The following CCNH variants were observed in gnomAD, a reference collection of about 807,000 sequenced individuals.
The protein encoded by CCNH is cyclin-H.
CCNH carries 31 observed loss-of-function variants against 41.9 expected under a neutral mutation model. The ratio of observed to expected loss-of-function variants is 0.74; its 90% CI spans 0.56 to 1.00. The LOEUF (loss-of-function observed/expected upper bound fraction) is 1.00. Ranked by LOEUF, CCNH falls within the 50% of genes least tolerant of loss-of-function variation. The pLI is 0.00. For synonymous variants in CCNH, 138 were observed against 136.1 expected, an observed-to-expected ratio of 1.01 and a Z score of -0.10; for missense variants, 362 against 388.4, an observed-to-expected ratio of 0.93 and a Z score of 0.57.
chr5:87,372,936 T>C (rs527347178), downstream of CCNH, among the ~76,000 whole-genome samples: 3 of 152,296 alleles, frequency 2.0e-5, no homozygotes, highest in South Asian at 4.1e-4. Context: ...GGTGACTAAA[T>C]AGTCCCTGTA....
Position 87,394,851 on chromosome 5 carries a change from TTAAA to T in CCNH, c.933+189_933+192del, listed in dbSNP as rs1278295022. The stretch of plus-strand genomic sequence containing the variant: ...CTATGAACACAGGAAGGATTCTTCA[TTAAA>T]TAAAGACAGAAGAGAGAAAAATCCC... On this transcript the variant is annotated intron_variant, in intron 8 of 8. Coordinates refer to ENST00000256897, the MANE Select transcript of CCNH (RefSeq NM_001239.4). 7 of 1,375,646 alleles carry T rather than the reference TTAAA, an allele frequency of 5.1e-6. No homozygotes were observed. The South Asian group carries it at 5.7e-5, about 11-fold the overall frequency. The allele number at this position is 1,375,646 out of a possible 1,614,324, so 85.2% of individuals were successfully genotyped here.
Position 87,332,584 on chromosome 5 carries a change from G to A in CCNH, c.*91-13687C>T. 6.2e-7 allele frequency: 1 copy of A among 1,610,256 alleles called. No homozygotes were observed. The highest frequency in any genetic ancestry group is 8.5e-7 in the Non-Finnish European group (1 of 1,176,946). ...CTGTCAGACCTAATAGGTTATTACA[G>A]TCATGTTTCTTGTTTGCTTAAAGGA... On this transcript the variant is annotated intron_variant and NMD_transcript_variant, in intron 9 of 9. Transcript: ENST00000645953.
intron 9 of CCNH, among the ~76,000 whole-genome samples, chr5:87,332,222 G>A (rs1757658241): frequency 6.6e-6 from 1 of 151,620 alleles, no homozygotes; most frequent in African/African-American, 2.4e-5. Flanking sequence ...TGGAAAGTGA[G>A]AAGAGGTATC....
chr5:87,362,083 G>C (rs1195156183), intron 9 of CCNH, among the ~76,000 whole-genome samples: 1 of 152,086 alleles, frequency 6.6e-6, no homozygotes, highest in Non-Finnish European at 1.5e-5. Context: ...TGTATGTTTT[G>C]TTCATTCTCA....
At chr5:87,394,741 T>C (rs1196053662) in intron 8 of CCNH, 4 of 1,328,058 alleles carry the variant, frequency 3.0e-6, no homozygotes, top group African/African-American at 3.0e-5. Context: ...ATAGAAAATT[T>C]TTTTTAAAAG....
At chr5:87,374,690 TA>T, downstream of CCNH, 1 of 1,151,056 alleles carries the variant, frequency 8.7e-7, no homozygotes, top group Non-Finnish European at 1.2e-6. Context: ...TACCAAATAA[TA>T]AAATATGTTG....
chr5:87,339,301 T>C (rs1351722532), intron 9 of CCNH, among the ~76,000 whole-genome samples: 1 of 152,180 alleles, frequency 6.6e-6, no homozygotes, highest in East Asian at 1.9e-4. Context: ...ATACTCATAG[T>C]CATATAGTTA....
At chr5:87,361,230 A>AT (rs1360960542) in intron 9 of CCNH, among the ~76,000 whole-genome samples, 1 of 152,250 alleles carries the variant, frequency 6.6e-6, no homozygotes, top group Non-Finnish European at 1.5e-5. Context: ...AACTTTATGT[A>AT]TAAAAAACAG....
At chr5:87,392,641 A>G (rs1762606329), downstream of CCNH, 1 of 203,322 alleles carries the variant, frequency 4.9e-6, no homozygotes, top group African/African-American at 2.3e-5. Context: ...ATCTTTAGCC[A>G]TACTAACCTG....
chr5:87,382,571 G>A (rs114916755), intron 9 of CCNH, among the ~76,000 whole-genome samples: 1,805 of 152,162 alleles, frequency 0.012, 28 homozygotes, highest in African/African-American at 0.041. Flanking sequence ...CTTCTTAAAA[G>A]GAAATTAGAA....
At chr5:87,318,810 A>G (rs1756546778) in exon 10 of CCNH, 1 of 152,240 alleles carries the variant, frequency 6.6e-6, no homozygotes, top group Non-Finnish European at 1.5e-5. Flanking sequence ...CCTTCCCAAC[A>G]GTCCCCCAAA....
chr5:87,399,416 C>CA lies in CCNH; in HGVS notation c.849dup (p.Glu284Ter). The CA allele has an allele frequency of 1.1e-5, 18 of 1,613,398 alleles. No homozygotes were observed. The highest frequency in any genetic ancestry group is 1.5e-5 in the Non-Finnish European group (18 of 1,179,390). ...TACGTGATTACGTTAAGTGCAAGCT[C>CA]AGCAGAATGACATCGCTCCAACTTC... On this transcript the variant is annotated frameshift_variant, in exon 7 of 9. Coordinates refer to ENST00000256897, the MANE Select transcript of CCNH (RefSeq NM_001239.4). LOFTEE classifies it high-confidence loss of function.
At chr5:87,345,195 A>C (rs545795263) in intron 9 of CCNH, among the ~76,000 whole-genome samples, 1 of 152,242 alleles carries the variant, frequency 6.6e-6, no homozygotes, top group South Asian at 2.1e-4. Context: ...TCACTGTTGC[A>C]AACCATGTGG....
chr5:87,405,103 G>T, intron 4 of CCNH, 96 bp from the exon 5 acceptor site: 1 of 819,010 alleles, frequency 1.2e-6, no homozygotes, highest in Non-Finnish European at 2.0e-6. Flanking sequence ...AGAAATATAT[G>T]CTATAACATA....
chr5:87,357,613 G>A (rs1460247783), intron 9 of CCNH, among the ~76,000 whole-genome samples: 1 of 152,152 alleles, frequency 6.6e-6, no homozygotes, highest in East Asian at 1.9e-4. Context: ...GCTGAGGCAG[G>A]AGAATCGCTT....
intron 9 of CCNH, among the ~76,000 whole-genome samples, chr5:87,353,584 A>G (rs1759437145): frequency 6.6e-6 from 1 of 152,098 alleles, no homozygotes; most frequent in Non-Finnish European, 1.5e-5. Flanking sequence ...AATAAAAAAT[A>G]CTGATAGAAG....
At chr5:87,317,242 G>C (rs1202789031), downstream of CCNH, among the ~76,000 whole-genome samples, 1 of 152,128 alleles carries the variant, frequency 6.6e-6, no homozygotes, top group Non-Finnish European at 1.5e-5. Context: ...TCTTATTGCA[G>C]TCCTTTTGTT....
intron 9 of CCNH, chr5:87,331,070 G>C: frequency 9.2e-7 from 1 of 1,082,544 alleles, no homozygotes; most frequent in East Asian, 2.6e-5. Context: ...TTGAATAGCA[G>C]GCAATCCTGG....
chr5:87,396,449 C>T (rs990057668), intron 7 of CCNH, among the ~76,000 whole-genome samples: 3 of 152,004 alleles, frequency 2.0e-5, no homozygotes, highest in African/African-American at 7.3e-5. Context: ...GGTAAAATCC[C>T]GTCTCTACTA....
Sources: allele counts gnomAD v4.1 joint callset (sites outside exome capture counted in the v4.1 genomes callset), GRCh38; gene constraint gnomAD v4.1.1; transcripts MANE v1.5; gene names NCBI Gene and HGNC (gene_info 2026-07-23, HGNC 2026-07-21).